Variants in EML5 observed in about 807,000 individuals in gnomAD.
The protein encoded by EML5 is echinoderm microtubule-associated protein-like 5.
Under a neutral mutation model 250.0 loss-of-function variants are expected in EML5, and 120 were observed. The observed-to-expected ratio is 0.48, with a 90% CI of 0.41 to 0.56. The LOEUF (loss-of-function observed/expected upper bound fraction) is 0.56. Ranked by LOEUF, EML5 falls within the 20% of genes least tolerant of loss-of-function variation. EML5 has a pLI of 0.00. For missense variants in EML5, 2,006 were observed against 2,437.6 expected, an observed-to-expected ratio of 0.82 and a Z score of 3.73; for synonymous variants, 771 against 806.5, an observed-to-expected ratio of 0.96 and a Z score of 0.75.
intron 29 of EML5, among the ~76,000 whole-genome samples, chr14:88,645,120 G>A (rs948027252): frequency 6.6e-6 from 1 of 151,990 alleles, no homozygotes; most frequent in African/African-American, 2.4e-5. Context: ...CCACCTCCCG[G>A]GTTCAAGCAA....
chr14:88,739,473 A>C (rs1490034651), intron 5 of EML5, among the ~76,000 whole-genome samples: 2 of 152,212 alleles, frequency 1.3e-5, no homozygotes, highest in African/African-American at 4.8e-5. Context: ...AATTATATGG[A>C]TAGAACATAA....
chr14:88,751,937 G>C (rs2094102610), intron 2 of EML5, among the ~76,000 whole-genome samples: 1 of 152,158 alleles, frequency 6.6e-6, no homozygotes, highest in Non-Finnish European at 1.5e-5. Context: ...TAAATAAGGA[G>C]ATAATAATAG....
At position 88,675,052 on chromosome 14, in the gene EML5, C is replaced by T. The variant is rs566129281; in HGVS notation, c.3124+6838G>A. Among the ~76,000 whole-genome samples, 251 of 152,322 alleles carry T rather than the reference C, an allele frequency of 1.6e-3. 1 individual carries two copies. Among genetic ancestry groups the T allele is most frequent in the Middle Eastern group, 6.8e-3 (2 of 294 alleles). On this transcript the variant is annotated intron_variant, in intron 21 of 43. Coordinates refer to ENST00000554922, the MANE Select transcript of EML5 (RefSeq NM_183387.3). ...TGGTTTTGCAGAGTATAGCCCCCTT[C>T]CTGGCTGCTTTCACAGGCTGGCATT...
intron 27 of EML5, among the ~76,000 whole-genome samples, chr14:88,650,615 TTTAA>T (rs1567062824): frequency 2.6e-5 from 4 of 152,196 alleles, no homozygotes. Flanking sequence ...TTGATAAGTA[TTTAA>T]TTGTTTTTAA....
At chr14:88,780,921 A>G in intron 1 of EML5, among the ~76,000 whole-genome samples, 1 of 152,176 alleles carries the variant, frequency 6.6e-6, no homozygotes, top group East Asian at 1.9e-4. Context: ...AAGCCAACTG[A>G]TAAGATGTTA....
In EML5 at chr14:88,620,212, T is replaced by G. The variant is rs1285000192; in HGVS notation, c.5375+542A>C. 1 of 152,264 alleles carries G rather than the reference T, an allele frequency of 6.6e-6. No individual in the cohort carries two copies. Among genetic ancestry groups the G allele is most frequent in the Non-Finnish European group, 1.5e-5 (1 of 68,066 alleles). 9.4% of individuals were successfully genotyped at this position (152,264 alleles called of 1,614,324 possible). On this transcript the variant is annotated intron_variant, in intron 39 of 43. Transcript: ENST00000554922. The surrounding 1 kb of genome is among the most constrained non-coding windows in gnomAD (Gnocchi z 4.3). The stretch of plus-strand genomic sequence containing the variant: ...GACAGACCTAGATTCAATAATCTTA[T>G]CTACTGATCACACGGAAGTACTCCG...
intron 1 of EML5, among the ~76,000 whole-genome samples, chr14:88,791,821 C>CA (rs2094610946): frequency 6.6e-6 from 1 of 152,276 alleles, no homozygotes; most frequent in African/African-American, 2.4e-5. Flanking sequence ...TAATTACGGC[C>CA]AGGAGGTGAG....
intron 8 of EML5, among the ~76,000 whole-genome samples, chr14:88,726,238 C>G (rs2093664656): frequency 6.6e-6 from 1 of 152,150 alleles, no homozygotes; most frequent in Non-Finnish European, 1.5e-5. Context: ...TCTATACTAA[C>G]AGGAAAAGGT....
intron 1 of EML5, among the ~76,000 whole-genome samples, chr14:88,756,306 A>G (rs1298558444): frequency 6.6e-6 from 1 of 152,184 alleles, no homozygotes; most frequent in African/African-American, 2.4e-5. Flanking sequence ...ACAAAACCCA[A>G]TCCCTTCATG....
rs530497548 is a variant in EML5, at chr14:88,622,815, T to A, written c.4899-97A>T. On this transcript the variant is annotated intron_variant, in intron 36 of 43. Transcript: ENST00000554922. Reference sequence around the variant, plus strand: ...AGTTATAAGCAGAATCTTTTTTTTTTAAAAAGGCCCTGATATTTATAATTT... The same window carrying A: ...AGTTATAAGCAGAATCTTTTTTTTTAAAAAAGGCCCTGATATTTATAATTT... The A allele has an allele frequency of 9.2e-5, 68 of 742,900 alleles. 1 individual carries two copies. The African/African-American group carries it at 1.0e-3, about 11-fold the overall frequency. The allele number at this position is 742,900 out of a possible 1,614,324, so 46.0% of individuals were successfully genotyped here.
intron 42 of EML5, 27 bp downstream of exon 42, chr14:88,616,699 A>G: frequency 3.1e-6 from 5 of 1,598,958 alleles, no homozygotes; most frequent in Non-Finnish European, 4.3e-6. Context: ...GAGTAAACTG[A>G]TAATAGTAAA....
At chr14:88,759,044 G>A (rs189229785) in intron 1 of EML5, among the ~76,000 whole-genome samples, 45 of 152,216 alleles carry the variant, frequency 3.0e-4, no homozygotes, top group Non-Finnish European at 3.5e-4. Flanking sequence ...GAATTTTTTA[G>A]GGGTGATAAA....
Position 88,792,169 on chromosome 14 carries a change from G to C in EML5, c.197+138C>G, listed in dbSNP as rs1227918113. ...TTGTAGGGTGTTAACTGGTGGACTCGGGACCAGAGAGACAGCTGCGGATTC... is the reference window on the plus strand; with the variant it reads ...TTGTAGGGTGTTAACTGGTGGACTCCGGACCAGAGAGACAGCTGCGGATTC... On this transcript the variant is annotated intron_variant, in intron 1 of 43. Coordinates refer to ENST00000554922, the MANE Select transcript of EML5 (RefSeq NM_183387.3). The surrounding 1 kb of genome is among the most constrained non-coding windows in gnomAD (Gnocchi z 6.9). 9.8e-7 allele frequency: 1 copy of C among 1,023,798 alleles called. No homozygotes were observed. Among genetic ancestry groups the C allele is most frequent in the Non-Finnish European group, 1.4e-6 (1 of 723,130 alleles). 63.4% of individuals were successfully genotyped at this position (1,023,798 alleles called of 1,614,324 possible). A position where few individuals can be genotyped will look rare whatever the true frequency, so the allele number is the denominator to read the frequency against.
intron 31 of EML5, 143 bp downstream of exon 31, chr14:88,642,749 CT>C: frequency 1.2e-6 from 1 of 851,106 alleles, no homozygotes; most frequent in South Asian, 1.8e-5. Context: ...CTAGAAAGTT[CT>C]GAAATATGAA....
At chr14:88,692,815 A>T (rs562908131) in intron 17 of EML5, among the ~76,000 whole-genome samples, 13 of 152,258 alleles carry the variant, frequency 8.5e-5, no homozygotes, top group Non-Finnish European at 1.8e-4. Context: ...TAAAGTGTTA[A>T]ATCCAAGACT....
chr14:88,712,724 T>C (rs887925795), intron 9 of EML5, among the ~76,000 whole-genome samples: 3 of 152,194 alleles, frequency 2.0e-5, no homozygotes, highest in Non-Finnish European at 4.4e-5. Context: ...CTTGAATGAT[T>C]AGCTTAGCAG....
At chr14:88,774,681 T>G (rs1008346828) in intron 1 of EML5, among the ~76,000 whole-genome samples, 5 of 152,232 alleles carry the variant, frequency 3.3e-5, no homozygotes, top group African/African-American at 1.2e-4. Context: ...GCCACATTTT[T>G]GTCAGTTCTT....
At chr14:88,673,905 C>T (rs2092532373) in intron 21 of EML5, among the ~76,000 whole-genome samples, 1 of 152,154 alleles carries the variant, frequency 6.6e-6, no homozygotes, top group Non-Finnish European at 1.5e-5. Context: ...ATTCCATGCT[C>T]ATACATAGGA....
At chr14:88,679,220 GA>G (rs1365114303) in intron 21 of EML5, among the ~76,000 whole-genome samples, 1 of 149,800 alleles carries the variant, frequency 6.7e-6, no homozygotes, top group East Asian at 1.9e-4. Flanking sequence ...TCTAAATGAG[GA>G]CACATTCACA....
Sources: gnomAD v4.1 joint callset for allele counts (sites outside exome capture counted in the v4.1 genomes callset) on GRCh38, gnomAD v4.1.1 for gene constraint, Gnocchi (gnomAD v3.1) non-coding constraint, MANE v1.5 for transcripts, NCBI Gene and HGNC (gene_info 2026-07-23, HGNC 2026-07-21) for gene names.